The following LTBP1 variants were observed in gnomAD, a reference collection of about 807,000 sequenced individuals.
LTBP1 encodes the protein latent transforming growth factor beta binding protein 1.
In LTBP1, 129 loss-of-function variants were observed where a neutral mutation model predicts 207.6. The ratio of observed to expected loss-of-function variants is 0.62; its 90% CI spans 0.54 to 0.72. LTBP1 has a LOEUF of 0.72. Among genes scored for constraint, LTBP1 ranks in the 30% least tolerant of loss-of-function variants. LTBP1 has a pLI of 0.00. For synonymous variants in LTBP1, 963 were observed against 833.7 expected (o/e 1.16, Z -2.67); for missense variants, 2,281 against 2,217.2 (o/e 1.03, Z -0.58).
chr2:33,048,280 A>C (rs567022653), intron 3 of LTBP1, among the ~76,000 whole-genome samples: 1 of 152,340 alleles, frequency 6.6e-6, no homozygotes, highest in South Asian at 2.1e-4. Flanking sequence ...CATTCCTTAG[A>C]GTACTGGCTG....
intron 3 of LTBP1, among the ~76,000 whole-genome samples, chr2:33,031,917 A>G (rs1165322290): frequency 6.6e-6 from 1 of 152,046 alleles, no homozygotes; most frequent in East Asian, 1.9e-4. Context: ...AGAGAGTGTG[A>G]GGGAAGGCCT....
intron 15 of LTBP1, among the ~76,000 whole-genome samples, chr2:33,270,589 C>CCA (rs560177747): frequency 2.4e-4 from 18 of 75,342 alleles, no homozygotes; most frequent in African/African-American, 1.0e-3. Flanking sequence ...GACTCCGTCT[C>CCA]AAAAAAAAAA....
intron 4 of LTBP1, among the ~76,000 whole-genome samples, chr2:33,123,174 A>G (rs1388620882): frequency 6.6e-6 from 1 of 152,136 alleles, no homozygotes. Flanking sequence ...CAACACTTGG[A>G]GAATTGTTCT....
chr2:33,257,651 G>A, intron 12 of LTBP1, 140 bp downstream of exon 12: 1 of 674,870 alleles, frequency 1.5e-6, no homozygotes. Flanking sequence ...ATTTGATTGG[G>A]GGCTGCCCTG....
rs141802319 is a variant in LTBP1 at position 32,953,275 on chromosome 2, C to T, written c.565+4330C>T. Among the ~76,000 whole-genome samples the T allele has an allele frequency of 3.5e-3, 531 of 152,318 alleles. 1 individual carries two copies. Among genetic ancestry groups the T allele is most frequent in the Non-Finnish European group, 5.7e-3 (385 of 68,026 alleles). Reference sequence around the variant, plus strand: ...GCTGGAGTTCAGGTGACCTAGAGAACGGTCTCAGGCTGTCCCCCATCCCTC... The same window carrying T: ...GCTGGAGTTCAGGTGACCTAGAGAATGGTCTCAGGCTGTCCCCCATCCCTC... On this transcript the variant is annotated intron_variant, in intron 2 of 33. Coordinates refer to ENST00000404816, the MANE Select transcript of LTBP1 (RefSeq NM_206943.4).
chr2:32,958,171 T>C (rs563497039), intron 2 of LTBP1, among the ~76,000 whole-genome samples: 7 of 152,344 alleles, frequency 4.6e-5, no homozygotes, highest in African/African-American at 1.4e-4. Flanking sequence ...ACAGTCAAGC[T>C]TGAGACCTGA....
intron 32 of LTBP1, among the ~76,000 whole-genome samples, chr2:33,396,824 T>A (rs567688658): frequency 6.6e-6 from 1 of 152,222 alleles, no homozygotes; most frequent in Non-Finnish European, 1.5e-5. Flanking sequence ...AGTTTGGAAC[T>A]TTGGATGAAC....
chr2:33,370,744 A>G (rs2095058150), intron 31 of LTBP1, among the ~76,000 whole-genome samples: 1 of 152,222 alleles, frequency 6.6e-6, no homozygotes, highest in African/African-American at 2.4e-5. Context: ...GACTAATCCC[A>G]GCCTGTCAGA....
intron 5 of LTBP1, among the ~76,000 whole-genome samples, chr2:33,153,627 C>T (rs1416364582): frequency 6.6e-6 from 1 of 152,168 alleles, no homozygotes; most frequent in Non-Finnish European, 1.5e-5. Context: ...CAACTTTAAA[C>T]TTAAGGAAAA....
At chr2:33,276,959 GT>G in intron 18 of LTBP1, among the ~76,000 whole-genome samples, 1 of 152,310 alleles carries the variant, frequency 6.6e-6, no homozygotes, top group Middle Eastern at 3.4e-3. Context: ...AAATATGAGG[GT>G]GAAGGAACAC....
At position 33,168,380 on chromosome 2, in the gene LTBP1, T is replaced by A. The variant is rs2085110909; in HGVS notation, c.1202-18476T>A. 8.7e-5 allele frequency among the ~76,000 whole-genome samples: 11 copies of A among 126,850 alleles called. No individual in the cohort carries two copies. The Admixed American group carries it at 1.0e-3, about 12-fold the overall frequency. 83.2% of individuals were successfully genotyped at this position (126,850 alleles called of 152,430 possible). ...TAGCCTGAGGGACAAAGTGACAAAG[T>A]GAGACCCTGTCTTTGTCTCAAAAAA... is the stretch of plus-strand genomic sequence containing the variant. On this transcript the variant is annotated intron_variant, in intron 5 of 33. Coordinates refer to ENST00000404816, the MANE Select transcript of LTBP1 (RefSeq NM_206943.4).
chr2:33,097,799 C>A (rs944083674), intron 3 of LTBP1, among the ~76,000 whole-genome samples: 5 of 152,120 alleles, frequency 3.3e-5, no homozygotes, highest in African/African-American at 1.2e-4. Flanking sequence ...TGACAGGATT[C>A]ATTTTTAGTG....
intron 8 of LTBP1, among the ~76,000 whole-genome samples, chr2:33,218,684 A>G (rs971223532): frequency 6.6e-6 from 1 of 152,234 alleles, no homozygotes; most frequent in East Asian, 1.9e-4. Flanking sequence ...GGCGTGAGCC[A>G]CTGCGCCTGG....
At chr2:33,378,183 A>ATGTGTGTGTG (rs1196073958) in intron 31 of LTBP1, among the ~76,000 whole-genome samples, 2,956 of 136,050 alleles carry the variant, frequency 0.022, 38 homozygotes, top group Middle Eastern at 0.042. Flanking sequence ...ATATATATAT[A>ATGTGTGTGTG]TATGTGTGTG....
At chr2:33,153,306 A>G (rs1241729443) in intron 5 of LTBP1, among the ~76,000 whole-genome samples, 1 of 152,078 alleles carries the variant, frequency 6.6e-6, no homozygotes, top group Non-Finnish European at 1.5e-5. Flanking sequence ...GTGACTCTGT[A>G]TTTTCCTTGC....
chr2:33,315,169 G>T lies in LTBP1; in HGVS notation c.3630G>T (p.Gly1210=). 6.2e-7 allele frequency: 1 copy of T among 1,609,254 alleles called. No homozygotes were observed. The highest frequency in any genetic ancestry group is 2.2e-5 in the East Asian group (1 of 44,850). Residue 1210 remains glycine, a synonymous_variant, in exon 24 of 34, where the codon GGG becomes GGT. Coordinates refer to ENST00000404816, the MANE Select transcript of LTBP1 (RefSeq NM_206943.4). The part of the protein sequence containing the change: ...CQDINECEHP[G]LCGPQGECLN... ...ATATTAATGAATGTGAACATCCAGG[G>T]CTCTGTGGTCCGCAAGGGGAGTGCC...
chr2:33,227,048 T>G (rs1380805769), intron 9 of LTBP1, among the ~76,000 whole-genome samples: 1 of 152,124 alleles, frequency 6.6e-6, no homozygotes, highest in Non-Finnish European at 1.5e-5. Context: ...TTTTTTGTCT[T>G]TTTTTTGAGA....
chr2:32,979,593 A>G (rs755445488), intron 2 of LTBP1, among the ~76,000 whole-genome samples: 11 of 152,084 alleles, frequency 7.2e-5, no homozygotes, highest in South Asian at 2.1e-4. Flanking sequence ...GTTTTGTGGC[A>G]TAAGATACGG....
intron 31 of LTBP1, among the ~76,000 whole-genome samples, chr2:33,377,339 C>T (rs973179547): frequency 6.6e-6 from 1 of 152,190 alleles, no homozygotes; most frequent in Non-Finnish European, 1.5e-5. Context: ...GAAGCTACTG[C>T]CTCAGTGTCC....
Sources: allele counts gnomAD v4.1 joint callset (sites outside exome capture counted in the v4.1 genomes callset), GRCh38; gene constraint gnomAD v4.1.1; transcripts MANE v1.5; gene names NCBI Gene and HGNC (gene_info 2026-07-23, HGNC 2026-07-21).